The following ELF4 variants were observed in gnomAD, a reference collection of about 807,000 sequenced individuals.
ELF4 encodes E74 like ETS transcription factor 4.
A neutral mutation model predicts 31.7 loss-of-function variants in ELF4; 10 were observed. That is an observed-to-expected ratio of 0.32 (90% CI 0.19 to 0.54). ELF4 has a LOEUF of 0.54. Among genes scored for constraint, ELF4 ranks in the 20% least tolerant of loss-of-function variants. The pLI is 0.95. For synonymous variants in ELF4, 208 were observed against 226.7 expected, an observed-to-expected ratio of 0.92 and a Z score of 0.74; for missense variants, 418 against 522.0, an observed-to-expected ratio of 0.80 and a Z score of 1.94.
chrX:130,065,028 CA>C lies in ELF4; in HGVS notation c.*1692del, dbSNP rs1345708873. On this transcript the variant is annotated 3_prime_UTR_variant, in exon 9 of 9. Transcript: ENST00000308167. ...TTGCACAACCAAACACAGTGCCCTCCAGGGGGCAGGGAGAAGAAGAGTAGGA... is the reference window on the plus strand; with the variant it reads ...TTGCACAACCAAACACAGTGCCCTCCGGGGGCAGGGAGAAGAAGAGTAGGA... 3 of 171,768 alleles carry C rather than the reference CA, an allele frequency of 1.7e-5. No homozygotes were observed. Among genetic ancestry groups the C allele is most frequent in the Non-Finnish European group, 3.3e-5 (3 of 89,757 alleles). 14.2% of individuals were successfully genotyped at this position (171,768 alleles called of 1,213,427 possible).
chrX:130,099,577 AAAAC>A (rs1033491906), intron 1 of ELF4, among the ~76,000 whole-genome samples: 14 of 111,300 alleles, frequency 1.3e-4, no homozygotes, highest in African/African-American at 4.6e-4. Flanking sequence ...TCCGTCTCAA[AAAAC>A]AAACAAACAA....
chrX:130,102,847 T>G (rs1603211287), intron 1 of ELF4, among the ~76,000 whole-genome samples: 1 of 47,314 alleles, frequency 2.1e-5, no homozygotes, highest in Admixed American at 2.9e-4. Flanking sequence ...GAAAGCAAGA[T>G]AAAGATGAGA....
At chrX:130,106,862 T>C (rs1483317387) in intron 1 of ELF4, among the ~76,000 whole-genome samples, 1 of 110,972 alleles carries the variant, frequency 9.0e-6, no homozygotes, top group Non-Finnish European at 1.9e-5. Context: ...ATGGCAGACA[T>C]GACCCCTTCC....
intron 2 of ELF4, among the ~76,000 whole-genome samples, chrX:130,078,918 C>T (rs762609314): frequency 9.4e-4 from 104 of 110,056 alleles, no homozygotes; most frequent in African/African-American, 3.2e-3. Flanking sequence ...ATGATTGTGC[C>T]ACTGCACTCC....
upstream of ELF4, among the ~76,000 whole-genome samples, chrX:130,110,981 C>T (rs1411453916): frequency 1.5e-5 from 1 of 64,654 alleles, no homozygotes; most frequent in Non-Finnish European, 2.8e-5. Context: ...AGGGAGGGAC[C>T]GACGGGAGGG....
At chrX:130,073,802 G>A (rs750576352) in intron 4 of ELF4, among the ~76,000 whole-genome samples, 152 of 112,870 alleles carry the variant, frequency 1.3e-3, no homozygotes, top group African/African-American at 4.2e-3. Flanking sequence ...GTGAGCCACC[G>A]TGCCTGGCCT....
intron 1 of ELF4, among the ~76,000 whole-genome samples, chrX:130,083,756 A>G (rs1376019937): frequency 1.8e-5 from 2 of 110,955 alleles, no homozygotes; most frequent in African/African-American, 6.6e-5. Context: ...TGTAACAGAC[A>G]CTCAATTTGT....
In ELF4 at chrX:130,072,317, C is replaced by G. The variant is rs369645851; in HGVS notation, c.441G>C (p.Ala147=). 1 of 1,212,459 alleles carries G rather than the reference C, an allele frequency of 8.2e-7. No individual in the cohort carries two copies. The highest frequency in any genetic ancestry group is 1.8e-5 in the South Asian group (1 of 57,052). Residue 147 remains alanine (A), a synonymous_variant, in exon 5 of 9, where the codon GCG becomes GCC. Coordinates refer to ENST00000308167, the MANE Select transcript of ELF4 (RefSeq NM_001421.4). ...GCCCCTCCTGGTCACTAGTGTCACC[C>G]GCCCTGTTCAGGGCATCGGGCTCAG... ...PASEPDALNR[A]GDTSDQEGHS...
At chrX:130,083,154 G>A (rs76362952) in intron 1 of ELF4, among the ~76,000 whole-genome samples, 1 of 95,590 alleles carries the variant, frequency 1.0e-5, no homozygotes, top group African/African-American at 4.0e-5. Flanking sequence ...GGGAGAAGTC[G>A]CTCAACTCAA....
intron 8 of ELF4, among the ~76,000 whole-genome samples, chrX:130,068,656 C>T (rs1932745184): frequency 8.9e-6 from 1 of 112,641 alleles, no homozygotes; most frequent in South Asian, 3.6e-4. Context: ...TGGAGCTAGC[C>T]GGGTGGGCCT....
chrX:130,104,227 A>G (rs1006883803), intron 1 of ELF4, among the ~76,000 whole-genome samples: 4 of 108,276 alleles, frequency 3.7e-5, no homozygotes, highest in Admixed American at 1.0e-4. Context: ...ACAAATATTA[A>G]CGATTTGAGT....
intron 7 of ELF4, among the ~76,000 whole-genome samples, chrX:130,070,752 A>G (rs1233610696): frequency 1.1e-5 from 1 of 91,273 alleles, no homozygotes; most frequent in Non-Finnish European, 2.1e-5. Context: ...AGCCTGGGTG[A>G]CAGAGCAAGA....
Position 130,071,072 on chromosome X carries a change from G to A in ELF4, c.777C>T (p.Asp259=). 8.3e-7 allele frequency: 1 copy of A among 1,211,980 alleles called. No homozygotes were observed. Among genetic ancestry groups the A allele is most frequent in the Non-Finnish European group, 1.1e-6 (1 of 895,563 alleles). The change falls in exon 7 of 9, where the codon GAC becomes GAT. Residue 259 remains aspartate (D), a synonymous_variant. Transcript: ENST00000308167. ...CCCGCCCCATTGTCTCATAGTTCATGTCAGGCTTGTTTTTCTGCTTCCCCC... is the reference window on the plus strand; with the variant it reads ...CCCGCCCCATTGTCTCATAGTTCATATCAGGCTTGTTTTTCTGCTTCCCCC... The part of the protein sequence containing the change: ...KLWGKQKNKP[D]MNYETMGRAL...
intron 1 of ELF4, 65 bp from the exon 2 acceptor site, chrX:130,081,604 T>C: frequency 2.5e-6 from 1 of 403,076 alleles, no homozygotes. Context: ...TTGCCAGAAC[T>C]GCCTATGAAC....
At chrX:130,110,799 C>G (rs1238211615), upstream of ELF4, 2 of 105,132 alleles carry the variant, frequency 1.9e-5, no homozygotes, top group Non-Finnish European at 3.9e-5. Context: ...CCGGGGAGGG[C>G]CGGGCCAAGA....
chrX:130,068,367 T>C (rs1932737502), intron 8 of ELF4, among the ~76,000 whole-genome samples: 1 of 111,892 alleles, frequency 8.9e-6, no homozygotes, highest in Non-Finnish European at 1.9e-5. Context: ...TTGATGTGAG[T>C]CCCCGCTCTA....
intron 1 of ELF4, among the ~76,000 whole-genome samples, chrX:130,109,964 T>C (rs975533667): frequency 1.8e-5 from 2 of 112,803 alleles, no homozygotes; most frequent in African/African-American, 6.4e-5. Context: ...CGGATCCATC[T>C]AGCAGCTCCG....
At chrX:130,092,044 G>A (rs765214860) in intron 1 of ELF4, among the ~76,000 whole-genome samples, 88 of 111,611 alleles carry the variant, frequency 7.9e-4, no homozygotes, top group Non-Finnish European at 7.7e-4. Context: ...CCCTCCTCTC[G>A]GAATTCCTCT....
chrX:130,095,428 G>A (rs1933132774), intron 1 of ELF4, among the ~76,000 whole-genome samples: 1 of 112,468 alleles, frequency 8.9e-6, no homozygotes, highest in African/African-American at 3.2e-5. Flanking sequence ...TGGGGCCGGT[G>A]TGACCTTGAT....
Sources: allele counts gnomAD v4.1 joint callset (sites outside exome capture counted in the v4.1 genomes callset), GRCh38; gene constraint gnomAD v4.1.1; transcripts MANE v1.5; gene names NCBI Gene and HGNC (gene_info 2026-07-23, HGNC 2026-07-21).